Variants in CTTNBP2 observed in about 807,000 individuals in gnomAD.
CTTNBP2 encodes the protein cortactin binding protein 2, also known as cortactin-binding protein 2.
Under a neutral mutation model 156.9 loss-of-function variants are expected in CTTNBP2, and 108 were observed. The observed-to-expected ratio is 0.69, with a 90% CI of 0.59 to 0.81. CTTNBP2 has a LOEUF of 0.81. CTTNBP2 is among the 30% of genes least tolerant of loss of function. The pLI is 0.00. For missense variants in CTTNBP2, 1,924 were observed against 2,035.4 expected, an observed-to-expected ratio of 0.95 and a Z score of 1.05; for synonymous variants, 767 against 751.8, an observed-to-expected ratio of 1.02 and a Z score of -0.33.
intron 2 of CTTNBP2, among the ~76,000 whole-genome samples, chr7:117,850,318 G>A (rs760302702): frequency 1.3e-5 from 2 of 152,306 alleles, no homozygotes; most frequent in East Asian, 1.9e-4. Context: ...TGCTATGGTC[G>A]TGCCATTGCA....
intron 5 of CTTNBP2, among the ~76,000 whole-genome samples, chr7:117,783,703 G>A (rs576191887): frequency 3.3e-5 from 5 of 152,156 alleles, no homozygotes; most frequent in East Asian, 1.9e-4. Context: ...TTGCATTTGC[G>A]GTCAAGTCCT....
intron 2 of CTTNBP2, 145 bp from the exon 3 acceptor site, chr7:117,811,134 G>A (rs1800250730): frequency 3.1e-6 from 2 of 640,686 alleles, no homozygotes; most frequent in East Asian, 2.7e-5. Context: ...TGAGTGAGAG[G>A]CAAATGTGAC....
rs530869382 is a variant in CTTNBP2, at chr7:117,733,402, C to T, written c.3876+1511G>A. ...AAAACAATTTTTATCAGAGAGCTAG[C>T]GGGAGAGGGGTATACTTTACCTGAA... is the stretch of plus-strand genomic sequence containing the variant. On this transcript the variant is annotated intron_variant, in intron 16 of 22. Transcript: ENST00000160373. Among the ~76,000 whole-genome samples, 42 of 152,194 alleles carry T rather than the reference C, an allele frequency of 2.8e-4. No homozygotes were observed. The South Asian group carries it at 7.7e-3, about 28-fold the overall frequency.
intron 14 of CTTNBP2, among the ~76,000 whole-genome samples, chr7:117,736,308 T>G (rs145655108): frequency 6.6e-6 from 1 of 152,026 alleles, no homozygotes; most frequent in Non-Finnish European, 1.5e-5. Flanking sequence ...TACAAAAAAT[T>G]AGACAGATAG....
At chr7:117,853,669 T>C (rs903675509) in intron 2 of CTTNBP2, among the ~76,000 whole-genome samples, 2 of 152,180 alleles carry the variant, frequency 1.3e-5, no homozygotes, top group African/African-American at 4.8e-5. Context: ...CAAAAATATA[T>C]TCCTGGTTTC....
rs1045184816 is a variant in CTTNBP2 at position 117,758,103 on chromosome 7, C to A, written c.3173-133G>T. The A allele has an allele frequency of 6.2e-6, 4 of 643,340 alleles. No homozygotes were observed. The Admixed American group carries it at 1.2e-4, about 19-fold the overall frequency. 39.9% of individuals were successfully genotyped at this position (643,340 alleles called of 1,614,324 possible). ...TTAATTGTCAAAGGCATGTACGGAACACATATAGGGCCACACAAGGGGTTA... is the reference window on the plus strand; with the variant it reads ...TTAATTGTCAAAGGCATGTACGGAAAACATATAGGGCCACACAAGGGGTTA... On this transcript the variant is annotated intron_variant, in intron 10 of 22. Transcript: ENST00000160373.
Position 117,728,123 on chromosome 7 carries a change from G to T in CTTNBP2, c.4021C>A (p.Pro1341Thr). The change falls in exon 17 of 23, where the codon CCT becomes ACT. Residue 1341 changes from proline (P) to threonine (T), a missense_variant. By Grantham distance (38) the Pro-to-Thr change is conservative. Coordinates refer to ENST00000160373, the MANE Select transcript of CTTNBP2 (RefSeq NM_033427.3). ...ACTTGGGCATGCCCAGGAACTACAGGACAAGACAGGAAATATTTTGGTCCA... is the reference window on the plus strand; with the variant it reads ...ACTTGGGCATGCCCAGGAACTACAGTACAAGACAGGAAATATTTTGGTCCA... ...LLGPKYFLSC[P>T]VVPGHAQVTV... 6.2e-7 allele frequency: 1 copy of T among 1,614,118 alleles called. No homozygotes were observed. Among genetic ancestry groups the T allele is most frequent in the East Asian group, 2.2e-5 (1 of 44,878 alleles).
chr7:117,807,412 G>A (rs923067461), intron 3 of CTTNBP2, among the ~76,000 whole-genome samples: 2 of 152,090 alleles, frequency 1.3e-5, no homozygotes, highest in Non-Finnish European at 2.9e-5. Context: ...GCAGAATAAA[G>A]TACAATTGTA....
At chr7:117,818,898 C>A (rs1418639793) in intron 2 of CTTNBP2, among the ~76,000 whole-genome samples, 3 of 152,088 alleles carry the variant, frequency 2.0e-5, no homozygotes, top group Non-Finnish European at 2.9e-5. Flanking sequence ...TCCACAGATA[C>A]AACGAGCTGC....
chr7:117,779,336 T>G (rs1254085382), intron 7 of CTTNBP2, among the ~76,000 whole-genome samples: 1 of 152,222 alleles, frequency 6.6e-6, no homozygotes, highest in Non-Finnish European at 1.5e-5. Context: ...TTTGATACTT[T>G]CTTATTATAA....
intron 3 of CTTNBP2, among the ~76,000 whole-genome samples, chr7:117,798,814 T>C (rs998548952): frequency 2.0e-5 from 3 of 151,992 alleles, no homozygotes; most frequent in African/African-American, 2.4e-5. Flanking sequence ...TTGCTAAATA[T>C]GTAGAAAACC....
chr7:117,871,791 C>T, intron 1 of CTTNBP2: 1 of 250,956 alleles, frequency 4.0e-6, no homozygotes, highest in Non-Finnish European at 5.0e-6. Context: ...ACAAGAAACA[C>T]ACCACACACA....
intron 3 of CTTNBP2, among the ~76,000 whole-genome samples, chr7:117,802,437 CAAAAAA>C (rs759797673): frequency 2.4e-5 from 2 of 83,780 alleles, no homozygotes; most frequent in Middle Eastern, 6.8e-3. Context: ...TCAGCATTGG[CAAAAAA>C]AAAAAAAAAA....
Position 117,780,530 on chromosome 7 carries a change from T to C in CTTNBP2, c.2434A>G (p.Thr812Ala). The C allele has an allele frequency of 1.3e-6, 2 of 1,594,874 alleles. No individual in the cohort carries two copies. Among genetic ancestry groups the C allele is most frequent in the East Asian group, 2.3e-5 (1 of 44,014 alleles). The change falls in exon 7 of 23, where the codon ACA becomes GCA. Residue 812 changes from threonine to alanine, a missense_variant. Thr to Ala is a moderately conservative substitution (Grantham distance 58). Coordinates refer to ENST00000160373, the MANE Select transcript of CTTNBP2 (RefSeq NM_033427.3). ...NINHAADGGQ[T>A]PLYLACKNGN... ...TTTTTACAGGCCAGGTATAGAGGTG[T>C]CTGTCCTCCATCAGCAGCATGATTA...
intron 8 of CTTNBP2, among the ~76,000 whole-genome samples, chr7:117,776,202 T>C (rs1045670903): frequency 6.6e-6 from 1 of 152,176 alleles, no homozygotes; most frequent in African/African-American, 2.4e-5. Flanking sequence ...GCTCCCCCAT[T>C]TCCCTCATCT....
At chr7:117,731,755 A>G (rs1795411994) in intron 16 of CTTNBP2, among the ~76,000 whole-genome samples, 1 of 152,170 alleles carries the variant, frequency 6.6e-6, no homozygotes, top group Non-Finnish European at 1.5e-5. Flanking sequence ...TCGGCGGGGG[A>G]AGCCCGGAGT....
chr7:117,760,714 T>C lies in CTTNBP2; in HGVS notation c.2897-4A>G. 6.3e-7 allele frequency: 1 copy of C among 1,594,442 alleles called. No individual in the cohort carries two copies. The highest frequency in any genetic ancestry group is 8.6e-7 in the Non-Finnish European group (1 of 1,165,758). ...CTTAAGGGTATTTTAAGAGCATCTG[T>C]TAGAAGAGTAAAAGAATTAGGAGTT... On this transcript the variant is annotated splice_polypyrimidine_tract_variant and splice_region_variant and intron_variant, in intron 9 of 22. Transcript: ENST00000160373.
At chr7:117,753,895 A>C (rs1435063221) in intron 12 of CTTNBP2, among the ~76,000 whole-genome samples, 1 of 152,194 alleles carries the variant, frequency 6.6e-6, no homozygotes, top group Non-Finnish European at 1.5e-5. Context: ...CTGCACATGT[A>C]CCCCAGAACG....
Position 117,711,463 on chromosome 7 carries a change from G to A in CTTNBP2, c.*74C>T. 1 of 1,437,714 alleles carries A rather than the reference G, an allele frequency of 7.0e-7. No homozygotes were observed. Among genetic ancestry groups the A allele is most frequent in the Non-Finnish European group, 9.4e-7 (1 of 1,061,164 alleles). 89.1% of individuals were successfully genotyped at this position (1,437,714 alleles called of 1,614,324 possible). ...AGTGAAAACATTTTATCAATTTAAA[G>A]GTATTTGTATCTTGTTGTCCTTGGT... On this transcript the variant is annotated 3_prime_UTR_variant, in exon 23 of 23. Transcript: ENST00000160373.
Sources: gnomAD v4.1 joint callset for allele counts (sites outside exome capture counted in the v4.1 genomes callset) on GRCh38, gnomAD v4.1.1 for gene constraint, MANE v1.5 for transcripts, NCBI Gene and HGNC (gene_info 2026-07-23, HGNC 2026-07-21) for gene names.